The following NR6A1 variants were observed in gnomAD, a reference collection of about 807,000 sequenced individuals.
NR6A1 encodes nuclear receptor subfamily 6 group A member 1.
NR6A1 carries 7 observed loss-of-function variants against 59.1 expected under a neutral mutation model. The observed-to-expected ratio is 0.12, with a 90% confidence interval of 0.07 to 0.22. The LOEUF is 0.22. NR6A1 is among the 10% of genes least tolerant of loss of function. NR6A1 has a pLI of 1.00. For missense variants in NR6A1, 468 were observed against 611.6 expected (o/e 0.77, Z 2.48); for synonymous variants, 243 against 236.1 (o/e 1.03, Z -0.27).
chr9:124,705,043 A>G (rs553057244), intron 2 of NR6A1, among the ~76,000 whole-genome samples: 8 of 152,280 alleles, frequency 5.3e-5, no homozygotes, highest in African/African-American at 1.7e-4. Flanking sequence ...GCCTAGTTAA[A>G]AGTATTTTAA....
chr9:124,526,424 A>G (rs2131321790), intron 8 of NR6A1, among the ~76,000 whole-genome samples: 1 of 152,208 alleles, frequency 6.6e-6, no homozygotes, highest in South Asian at 2.1e-4. Flanking sequence ...TTCTTCAGTC[A>G]CTGGTAAACT....
intron 2 of NR6A1, among the ~76,000 whole-genome samples, chr9:124,555,884 C>G (rs974112665): frequency 1.4e-4 from 21 of 152,142 alleles, no homozygotes; most frequent in African/African-American, 4.3e-4. Flanking sequence ...TATTATTACC[C>G]CAGCAGGTAC....
At chr9:124,538,430 T>C in intron 5 of NR6A1, 111 bp from the exon 6 acceptor site, 1 of 746,580 alleles carries the variant, frequency 1.3e-6, no homozygotes, top group South Asian at 1.8e-5. Flanking sequence ...GGTATGTGTC[T>C]TCATCAAGCC....
intron 2 of NR6A1, chr9:124,595,888 C>T (rs962637636): frequency 3.7e-5 from 41 of 1,106,986 alleles, no homozygotes; most frequent in South Asian, 1.5e-4. Flanking sequence ...GCCGGGACTA[C>T]GACAGTCATC....
chr9:124,598,259 G>A (rs1835334074), intron 2 of NR6A1, among the ~76,000 whole-genome samples: 1 of 151,950 alleles, frequency 6.6e-6, no homozygotes, highest in Admixed American at 6.5e-5. Context: ...ATGGCTTGAA[G>A]CCAGGAGTTT....
chr9:124,698,010 G>A (rs990863244), intron 2 of NR6A1, among the ~76,000 whole-genome samples: 9 of 152,122 alleles, frequency 5.9e-5, no homozygotes, highest in Non-Finnish European at 1.3e-4. Flanking sequence ...TTTTGTAAGC[G>A]CTGCCAAGCA....
chr9:124,590,843 C>T (rs1250229338), intron 2 of NR6A1, among the ~76,000 whole-genome samples: 1 of 152,198 alleles, frequency 6.6e-6, no homozygotes, highest in African/African-American at 2.4e-5. Flanking sequence ...GAAATTAAGA[C>T]TAACTTTATT....
intron 2 of NR6A1, among the ~76,000 whole-genome samples, chr9:124,689,193 T>C (rs1471997682): frequency 6.6e-6 from 1 of 152,192 alleles, no homozygotes; most frequent in African/African-American, 2.4e-5. Context: ...AGTTGTAAAT[T>C]ATCTTAACAA....
chr9:124,637,910 A>G (rs1261484295), intron 2 of NR6A1, among the ~76,000 whole-genome samples: 1 of 150,776 alleles, frequency 6.6e-6, no homozygotes, highest in Non-Finnish European at 1.5e-5. Flanking sequence ...AAAAAAAAAA[A>G]AAGAAAAAAA....
At chr9:124,607,371 CA>C (rs369665839) in intron 2 of NR6A1, 137 of 152,280 alleles carry the variant, frequency 9.0e-4, no homozygotes, top group Middle Eastern at 3.4e-3. Flanking sequence ...TGGAGCAGGT[CA>C]AAACTCCCAT....
intron 2 of NR6A1, among the ~76,000 whole-genome samples, chr9:124,626,859 G>A (rs1035222181): frequency 5.9e-5 from 9 of 152,128 alleles, no homozygotes; most frequent in Admixed American, 3.3e-4. Context: ...GCTTGAACCC[G>A]GGAGGTGGAG....
At position 124,517,531 on chromosome 9, in the gene NR6A1, C is replaced by A. The variant is rs1832712436; in HGVS notation, c.*5174G>T. The A allele has an allele frequency of 6.6e-6, 1 of 152,098 alleles. No individual in the cohort carries two copies. The highest frequency in any genetic ancestry group is 6.5e-5 in the Admixed American group (1 of 15,268). The allele number at this position is 152,098 out of a possible 1,614,324, so 9.4% of individuals were successfully genotyped here. ...TTGGCCGGCCCTTTGGAGACAAGGG[C>A]TCAGGGACATCCCGTTTCCTCGATT... is the stretch of plus-strand genomic sequence containing the variant. On this transcript the variant is annotated 3_prime_UTR_variant, in exon 10 of 10. Transcript: ENST00000487099.
At chr9:124,701,366 C>T (rs1448064174) in intron 2 of NR6A1, among the ~76,000 whole-genome samples, 1 of 152,038 alleles carries the variant, frequency 6.6e-6, no homozygotes, top group Admixed American at 6.6e-5. Context: ...GTTCTTTTAC[C>T]CATGTTTTCA....
chr9:124,557,494 C>A (rs1216404402), intron 2 of NR6A1, among the ~76,000 whole-genome samples: 1 of 151,854 alleles, frequency 6.6e-6, no homozygotes, highest in Non-Finnish European at 1.5e-5. Flanking sequence ...GCAACACAAA[C>A]AAAATACAAA....
intron 2 of NR6A1, among the ~76,000 whole-genome samples, chr9:124,586,701 G>T (rs1314944122): frequency 6.6e-6 from 1 of 152,026 alleles, no homozygotes; most frequent in Admixed American, 6.6e-5. Flanking sequence ...CTCCTTCATT[G>T]GCCTCCCAAA....
At chr9:124,661,811 A>T (rs1045770588) in intron 2 of NR6A1, among the ~76,000 whole-genome samples, 1 of 152,210 alleles carries the variant, frequency 6.6e-6, no homozygotes, top group Non-Finnish European at 1.5e-5. Context: ...ATAAAACAGA[A>T]AACTCAGTTC....
In NR6A1 at chr9:124,589,482, T is replaced by TAAAA. The variant is rs572071969; in HGVS notation, c.143-34913_143-34912insTTTT. Among the ~76,000 whole-genome samples the TAAAA allele has an allele frequency of 6.0e-4, 91 of 151,926 alleles. 1 individual carries two copies. The South Asian group carries it at 0.018, about 31-fold the overall frequency. ...AACAAAAAATAAAAAATAAAAAAAA[T>TAAAA]AAACATAAATGCATATGATAGTGTA... On this transcript the variant is annotated intron_variant, in intron 2 of 9. Transcript: ENST00000487099.
rs564725811 is a variant in NR6A1, at chr9:124,676,779, A to G, written c.142+56529T>C. 5.9e-5 allele frequency among the ~76,000 whole-genome samples: 9 copies of G among 152,360 alleles called. No individual in the cohort carries two copies. In the South Asian group the frequency reaches 1.4e-3, roughly 25 times the overall value. ...AGTAACCTCAAATGCAAAATGAAAT[A>G]GTAATGTCACCGTTTGGGACAGTTC... On this transcript the variant is annotated intron_variant, in intron 2 of 9. Coordinates refer to ENST00000487099, the MANE Select transcript of NR6A1 (RefSeq NM_033334.4).
intron 2 of NR6A1, among the ~76,000 whole-genome samples, chr9:124,672,219 G>C (rs1355078499): frequency 6.6e-6 from 1 of 152,130 alleles, no homozygotes; most frequent in Non-Finnish European, 1.5e-5. Context: ...TGGATATTTA[G>C]TTGTTTCTAG....
Sources: gnomAD v4.1 joint callset for allele counts (sites outside exome capture counted in the v4.1 genomes callset) on GRCh38, gnomAD v4.1.1 for gene constraint, MANE v1.5 for transcripts, NCBI Gene and HGNC (gene_info 2026-07-23, HGNC 2026-07-21) for gene names.